Variants in AK9 observed in about 807,000 individuals in gnomAD.
AK9 encodes adenylate kinase 9, also known as adenylate kinase domain containing 1.
In AK9, 191 loss-of-function variants were observed where a neutral mutation model predicts 239.6. The ratio of observed to expected loss-of-function variants is 0.80; its 90% CI spans 0.71 to 0.90. AK9 has a LOEUF of 0.90. Among genes scored for constraint, AK9 ranks in the 40% least tolerant of loss-of-function variants. AK9 has a pLI of 0.00. For synonymous variants in AK9, 689 were observed against 721.0 expected (o/e 0.96, Z 0.71); for missense variants, 1,995 against 2,214.7 (o/e 0.90, Z 1.99).
At position 109,671,381 on chromosome 6, in the gene AK9, T is replaced by G. The variant is rs568919417; in HGVS notation, c.331+538A>C. Among the ~76,000 whole-genome samples the G allele has an allele frequency of 4.6e-5, 7 of 152,350 alleles. No homozygotes were observed. In the East Asian group the frequency reaches 1.3e-3, roughly 29 times the overall value. On this transcript the variant is annotated intron_variant, in intron 5 of 40. Coordinates refer to ENST00000424296, the MANE Select transcript of AK9 (RefSeq NM_001145128.3). ...TTTTAATCATTTTGAGCTTCAGTGG[T>G]CTTTGTCTTGAAAAATTAGATCCAA...
At chr6:109,673,501 C>T (rs1771233070) in intron 3 of AK9, among the ~76,000 whole-genome samples, 1 of 151,558 alleles carries the variant, frequency 6.6e-6, no homozygotes, top group African/African-American at 2.4e-5. Context: ...TCTATTAGGG[C>T]ATAAATAGTT....
In AK9 at chr6:109,497,555, G is replaced by C. The variant is rs1166178496; in HGVS notation, c.5225C>G (p.Ala1742Gly). Residue 1742 changes from alanine to glycine, a missense_variant, in exon 38 of 41, where the codon GCT (alanine) becomes GGT (glycine). This residue lies in a region of AK9 where 391 missense variants were observed against 456.0 expected (regional missense o/e 0.86). Transcript: ENST00000424296. ...ATAGTTAATGCTACCAGGTACTAGAGCTTCATATCTGGAAGACCAAAAAAC... is the reference window on the plus strand; with the variant it reads ...ATAGTTAATGCTACCAGGTACTAGACCTTCATATCTGGAAGACCAAAAAAC... ...TYKDGNQRYEALVPGSINYAL... is the reference protein window; with the variant it reads ...TYKDGNQRYEGLVPGSINYAL... The C allele has an allele frequency of 6.3e-7, 1 of 1,596,646 alleles. No homozygotes were observed. Among genetic ancestry groups the C allele is most frequent in the Non-Finnish European group, 8.6e-7 (1 of 1,167,126 alleles).
rs555185844 is a variant in AK9, at chr6:109,654,493, G to A, written c.759+2263C>T. 3.0e-4 allele frequency among the ~76,000 whole-genome samples: 45 copies of A among 152,022 alleles called. No homozygotes were observed. In the South Asian group the frequency reaches 7.9e-3, roughly 27 times the overall value. On this transcript the variant is annotated intron_variant, in intron 8 of 40. Coordinates refer to ENST00000424296, the MANE Select transcript of AK9 (RefSeq NM_001145128.3). Reference sequence around the variant, plus strand: ...ATTACAGGTGTGCACCACCATGCCCGGCTGTTTTTTGGATTTTAGTAGAGA... The same window carrying A: ...ATTACAGGTGTGCACCACCATGCCCAGCTGTTTTTTGGATTTTAGTAGAGA...
At chr6:109,517,098 T>C (rs545341601) in intron 29 of AK9, among the ~76,000 whole-genome samples, 1 of 152,284 alleles carries the variant, frequency 6.6e-6, no homozygotes, top group South Asian at 2.1e-4. Flanking sequence ...TGGAGCGGGT[T>C]CACTGTCTCA....
intron 9 of AK9, among the ~76,000 whole-genome samples, chr6:109,644,051 T>TGGA (rs764022323): frequency 6.6e-6 from 1 of 152,232 alleles, no homozygotes; most frequent in Non-Finnish European, 1.5e-5. Flanking sequence ...CCCAACATAT[T>TGGA]GGATACTGCA....
At chr6:109,649,945 T>A (rs1356084998) in intron 8 of AK9, among the ~76,000 whole-genome samples, 4 of 152,150 alleles carry the variant, frequency 2.6e-5, no homozygotes, top group African/African-American at 7.2e-5. Context: ...TCTACAACTA[T>A]CTGATCTTTG....
chr6:109,623,405 A>G (rs1795106324), intron 12 of AK9, among the ~76,000 whole-genome samples: 1 of 152,176 alleles, frequency 6.6e-6, no homozygotes, highest in Non-Finnish European at 1.5e-5. Flanking sequence ...TTCTGAGGGT[A>G]GTCAGCTGCC....
At chr6:109,509,037 T>C (rs943979273) in intron 33 of AK9, 142 bp downstream of exon 33, 7 of 906,052 alleles carry the variant, frequency 7.7e-6, no homozygotes, top group Admixed American at 5.9e-5. Context: ...TATGTAACCA[T>C]ATAGGTGCCC....
At position 109,559,213 on chromosome 6, in the gene AK9, G is replaced by T. The variant is rs531700333; in HGVS notation, c.2751+4384C>A. ...AGATGGGGTCTCTCTCTGTCGCCCA[G>T]GCGGAGTGCAGTGGCACGATCTCGG... On this transcript the variant is annotated intron_variant, in intron 24 of 40. Coordinates refer to ENST00000424296, the MANE Select transcript of AK9 (RefSeq NM_001145128.3). Among the ~76,000 whole-genome samples the T allele has an allele frequency of 1.3e-4, 20 of 149,856 alleles. 1 individual carries two copies. The South Asian group carries it at 4.2e-3, about 32-fold the overall frequency.
intron 1 of AK9, among the ~76,000 whole-genome samples, chr6:109,676,453 C>T (rs1332679001): frequency 6.6e-6 from 1 of 151,976 alleles, no homozygotes; most frequent in Non-Finnish European, 1.5e-5. Flanking sequence ...TGAACAAAGA[C>T]TGTCTCTTGT....
chr6:109,632,335 C>T, intron 12 of AK9: 2 of 984,100 alleles, frequency 2.0e-6, no homozygotes, highest in Non-Finnish European at 2.4e-6. Flanking sequence ...AGCCACATTG[C>T]CCCTTCTAGA....
chr6:109,508,883 A>C (rs1409172614), intron 33 of AK9, among the ~76,000 whole-genome samples: 1 of 152,132 alleles, frequency 6.6e-6, no homozygotes, highest in Non-Finnish European at 1.5e-5. Flanking sequence ...GAACTCCTGG[A>C]GTGTGGAAGT....
At chr6:109,632,203 T>C in intron 12 of AK9, 2 of 985,460 alleles carry the variant, frequency 2.0e-6, no homozygotes, top group Non-Finnish European at 2.4e-6. Context: ...TAGAAAATGA[T>C]ACTCCGGCGC....
intron 25 of AK9, among the ~76,000 whole-genome samples, chr6:109,548,953 A>C (rs1055038434): frequency 3.9e-5 from 6 of 152,188 alleles, no homozygotes; most frequent in African/African-American, 1.4e-4. Flanking sequence ...AGGTCATGGC[A>C]ACAGCTTTAT....
intron 28 of AK9, among the ~76,000 whole-genome samples, chr6:109,531,680 A>T (rs537564668): frequency 6.6e-6 from 1 of 152,316 alleles, no homozygotes; most frequent in South Asian, 2.1e-4. Context: ...GCACTGGCCT[A>T]GATATTCCAG....
chr6:109,556,775 C>T (rs1785051728), intron 24 of AK9, among the ~76,000 whole-genome samples: 1 of 151,680 alleles, frequency 6.6e-6, no homozygotes, highest in Admixed American at 6.6e-5. Flanking sequence ...ACTCCAATAT[C>T]CTTTCTTCTG....
At chr6:109,611,913 A>G in intron 16 of AK9, 97 bp downstream of exon 16, 1 of 856,180 alleles carries the variant, frequency 1.2e-6, no homozygotes. Flanking sequence ...ATTTTTTTTG[A>G]AAAATCACAC....
At chr6:109,511,689 A>C (rs1029729745) in intron 32 of AK9, among the ~76,000 whole-genome samples, 1 of 152,174 alleles carries the variant, frequency 6.6e-6, no homozygotes, top group Non-Finnish European at 1.5e-5. Context: ...TTGACCAGGG[A>C]CCACCATCAG....
chr6:109,558,315 C>T (rs1317695284), intron 24 of AK9, among the ~76,000 whole-genome samples: 1 of 151,918 alleles, frequency 6.6e-6, no homozygotes, highest in African/African-American at 2.4e-5. Flanking sequence ...TTGCCTAATC[C>T]AAGGTCTCAA....
Sources: allele counts gnomAD v4.1 joint callset (sites outside exome capture counted in the v4.1 genomes callset), GRCh38; gene constraint gnomAD v4.1.1; regional missense constraint gnomAD v4.1.1; transcripts MANE v1.5; gene names NCBI Gene and HGNC (gene_info 2026-07-23, HGNC 2026-07-21).